Variants in DSCAM observed in about 807,000 individuals in gnomAD.
DSCAM encodes the protein DS cell adhesion molecule, also known as cell adhesion molecule DSCAM.
Under a neutral mutation model 217.7 loss-of-function variants are expected in DSCAM, and 47 were observed. The observed-to-expected ratio is 0.22, with a 90% CI of 0.17 to 0.28. DSCAM has a LOEUF of 0.28. Among genes scored for constraint, DSCAM ranks in the 10% least tolerant of loss-of-function variants. DSCAM has a pLI of 1.00. For synonymous variants in DSCAM, 1,056 were observed against 1,015.3 expected, an observed-to-expected ratio of 1.04 and a Z score of -0.76; for missense variants, 2,080 against 2,618.3, an observed-to-expected ratio of 0.79 and a Z score of 4.49.
At chr21:40,700,507 T>C (rs530393700) in intron 2 of DSCAM, among the ~76,000 whole-genome samples, 7 of 152,332 alleles carry the variant, frequency 4.6e-5, no homozygotes, top group Middle Eastern at 3.4e-3. Context: ...GCATTATGAA[T>C]ATAAGCCTTT....
intron 10 of DSCAM, among the ~76,000 whole-genome samples, chr21:40,280,793 G>T (rs1282003036): frequency 6.6e-6 from 1 of 152,176 alleles, no homozygotes; most frequent in Non-Finnish European, 1.5e-5. Flanking sequence ...TGGCTAAAAA[G>T]ATCATGACTG....
intron 3 of DSCAM, among the ~76,000 whole-genome samples, chr21:40,615,043 C>T (rs187154221): frequency 1.7e-3 from 254 of 151,734 alleles, no homozygotes; most frequent in Non-Finnish European, 3.2e-3. Context: ...GTGGCTCACG[C>T]CTGTAATCCC....
chr21:40,820,439 G>A (rs112974249), intron 1 of DSCAM, among the ~76,000 whole-genome samples: 2 of 152,094 alleles, frequency 1.3e-5, no homozygotes, highest in African/African-American at 2.4e-5. Flanking sequence ...GGAGGGGAAC[G>A]TCACACACCA....
rs895901003 is a variant in DSCAM at position 40,647,658 on chromosome 21, T to C, written c.508+45152A>G. 1.1e-4 allele frequency among the ~76,000 whole-genome samples: 17 copies of C among 152,374 alleles called. No individual in the cohort carries two copies. The East Asian group carries it at 1.3e-3, about 12-fold the overall frequency. On this transcript the variant is annotated intron_variant, in intron 3 of 32. Coordinates refer to ENST00000400454, the MANE Select transcript of DSCAM (RefSeq NM_001389.5). Reference sequence around the variant, plus strand: ...TGGTGTAGTTAGGATAAAAACTATATATTATTTGAGAAATTATGTCCATTC... The same window carrying C: ...TGGTGTAGTTAGGATAAAAACTATACATTATTTGAGAAATTATGTCCATTC...
chr21:40,308,560 A>G (rs2074104863), intron 9 of DSCAM, among the ~76,000 whole-genome samples: 1 of 152,172 alleles, frequency 6.6e-6, no homozygotes, highest in Non-Finnish European at 1.5e-5. Flanking sequence ...TTGTCCTTCA[A>G]TACCCAGTAA....
intron 11 of DSCAM, among the ~76,000 whole-genome samples, chr21:40,266,777 CATATATATATAT>C (rs10684678): frequency 9.2e-6 from 1 of 109,098 alleles, no homozygotes; most frequent in Non-Finnish European, 1.8e-5. Flanking sequence ...TTTTCACATG[CATATATATATAT>C]ATATATATAT....
chr21:40,366,174 C>T (rs1423283881), intron 4 of DSCAM, among the ~76,000 whole-genome samples: 2 of 152,046 alleles, frequency 1.3e-5, no homozygotes, highest in Admixed American at 1.3e-4. Context: ...AATATGTAGT[C>T]ATTATGCATT....
intron 3 of DSCAM, among the ~76,000 whole-genome samples, chr21:40,540,865 A>G (rs1405500627): frequency 2.6e-5 from 4 of 152,056 alleles, no homozygotes; most frequent in Admixed American, 2.6e-4. Context: ...AAGGAATCCC[A>G]TATATATTAC....
rs1568942486 is a variant in DSCAM at position 40,620,308 on chromosome 21, G to GAGAGAAAGAGAGAGAAAAAAGAAAAAGAA, written c.508+72501_508+72502insTTCTTTTTCTTTTTTCTCTCTCTTTCTCT. On this transcript the variant is annotated intron_variant, in intron 3 of 32. Transcript: ENST00000400454. ...GAGAGAGAAAAAAGAAAAAGAAAGAGAGAGAGAAAGAGAGAGAAAAAAGAA... is the reference window on the plus strand; with the variant it reads ...GAGAGAGAAAAAAGAAAAAGAAAGAGAGAGAAAGAGAGAGAAAAAAGAAAAAGAAAGAGAGAAAGAGAGAGAAAAAAGAA... 4.5e-4 allele frequency among the ~76,000 whole-genome samples: 48 copies of GAGAGAAAGAGAGAGAAAAAAGAAAAAGAA among 107,588 alleles called. 2 individuals carry two copies. The highest frequency in any genetic ancestry group is 1.5e-3 in the African/African-American group (40 of 26,668). 70.6% of individuals were successfully genotyped at this position (107,588 alleles called of 152,430 possible). A position where few individuals can be genotyped will look rare whatever the true frequency, so the allele number is the denominator to read the frequency against.
rs1412675670 is a variant in DSCAM at position 40,296,062 on chromosome 21, G to A, written c.2175C>T (p.Phe725=). ...GYPVPTIVWK[F]SKGAGVPQFQ... ...GATCAAGTAACTCCATACCTTTAGA[G>A]AATTTCCACACGATGGTAGGTACAG... The change falls in exon 10 of 33, where the codon TTC becomes TTT. Residue 725 remains phenylalanine (F), a synonymous_variant. Transcript: ENST00000400454. The A allele has an allele frequency of 6.2e-7, 1 of 1,613,586 alleles. No homozygotes were observed. Among genetic ancestry groups the A allele is most frequent in the East Asian group, 2.2e-5 (1 of 44,828 alleles).
chr21:40,397,091 A>G (rs2075185548), intron 3 of DSCAM, among the ~76,000 whole-genome samples: 1 of 152,092 alleles, frequency 6.6e-6, no homozygotes, highest in Admixed American at 6.6e-5. Context: ...AAAAACCCCA[A>G]TTTTAATCAA....
chr21:40,623,948 T>C (rs2837756), intron 3 of DSCAM, among the ~76,000 whole-genome samples: 93,852 of 152,044 alleles, frequency 0.62, 31,179 homozygotes, highest in Non-Finnish European at 0.74. Flanking sequence ...TTCAGAATGT[T>C]TCCAGGCACA....
intron 3 of DSCAM, among the ~76,000 whole-genome samples, chr21:40,595,977 G>C (rs144920870): frequency 1.3e-5 from 2 of 152,216 alleles, no homozygotes; most frequent in African/African-American, 4.8e-5. Context: ...GTGCATGTGC[G>C]TGTCTGGACT....
intron 15 of DSCAM, among the ~76,000 whole-genome samples, chr21:40,174,208 T>A (rs1026203058): frequency 6.6e-6 from 1 of 152,214 alleles, no homozygotes. Context: ...CCATGAAGAC[T>A]GCGCTGAATG....
intron 3 of DSCAM, among the ~76,000 whole-genome samples, chr21:40,559,782 C>CTTTTTTTTTTTTTTTTTTTTTTT (rs1568904832): frequency 9.0e-6 from 1 of 111,408 alleles, no homozygotes. Context: ...TTAAAATTTT[C>CTTTTTTTTTTTTTTTTTTTTTTT]TGTCTTTTTT....
At chr21:40,047,347 C>T (rs567805278) in intron 30 of DSCAM, among the ~76,000 whole-genome samples, 19 of 152,244 alleles carry the variant, frequency 1.2e-4, no homozygotes, top group East Asian at 3.9e-4. Flanking sequence ...AGCAAATAAA[C>T]GCTGGGATTT....
intron 3 of DSCAM, among the ~76,000 whole-genome samples, chr21:40,511,976 G>C (rs1321171733): frequency 9.7e-6 from 1 of 102,638 alleles, no homozygotes; most frequent in Non-Finnish European, 1.8e-5. Context: ...GGGCGACAGA[G>C]TGAGACTCTG....
intron 1 of DSCAM, among the ~76,000 whole-genome samples, chr21:40,734,511 A>C (rs1054650159): frequency 1.3e-5 from 2 of 152,244 alleles, no homozygotes; most frequent in African/African-American, 4.8e-5. Flanking sequence ...CAAGCCATGC[A>C]TACACAAAGG....
intron 26 of DSCAM, among the ~76,000 whole-genome samples, 179 bp downstream of exon 26, chr21:40,078,508 C>T (rs1490805993): frequency 1.3e-5 from 2 of 152,196 alleles, no homozygotes; most frequent in African/African-American, 4.8e-5. Flanking sequence ...CAGTGATGGT[C>T]ATCTGGATAT....
Sources: allele counts gnomAD v4.1 joint callset (sites outside exome capture counted in the v4.1 genomes callset), GRCh38; gene constraint gnomAD v4.1.1; transcripts MANE v1.5; gene names NCBI Gene and HGNC (gene_info 2026-07-23, HGNC 2026-07-21).